TM9SF4: variants seen among roughly 807,000 people sequenced by gnomAD.
The protein encoded by TM9SF4 is transmembrane 9 superfamily member 4, also known as dinucleotide oxidase disulfide thiol exchanger 3 superfamily member 4.
In TM9SF4, 26 loss-of-function variants were observed where a neutral mutation model predicts 90.4. That is an observed-to-expected ratio of 0.29 (90% CI 0.21 to 0.40). The LOEUF is 0.40. Ranked by LOEUF, TM9SF4 falls within the 10% of genes least tolerant of loss-of-function variation. The probability of loss-of-function intolerance (pLI) is 1.00; values close to 1 mark genes in which losing one functional copy is unlikely to be tolerated. For synonymous variants in TM9SF4, 293 were observed against 315.4 expected, an observed-to-expected ratio of 0.93 and a Z score of 0.75; for missense variants, 549 against 834.8, an observed-to-expected ratio of 0.66 and a Z score of 4.22.
intron 1 of TM9SF4, among the ~76,000 whole-genome samples, chr20:32,113,530 A>G (rs2122300151): frequency 6.6e-6 from 1 of 152,250 alleles, no homozygotes; most frequent in South Asian, 2.1e-4. Context: ...ATTTCATTGA[A>G]ACTTGGGAAA....
chr20:32,145,362 T>G lies in TM9SF4; in HGVS notation c.822T>G (p.Ser274Arg). The G allele has an allele frequency of 6.2e-7, 1 of 1,614,094 alleles. No individual in the cohort carries two copies. The highest frequency in any genetic ancestry group is 8.5e-7 in the Non-Finnish European group (1 of 1,180,012). ...GCTGGGACACTTACCTGACCATGAGTGACGTCCAGATCCACTGGTTTTCTA... is the reference window on the plus strand; with the variant it reads ...GCTGGGACACTTACCTGACCATGAGGGACGTCCAGATCCACTGGTTTTCTA... The part of the protein sequence containing the change: ...ASRWDTYLTM[S>R]DVQIHWFSII... Residue 274 changes from serine to arginine, a missense_variant, in exon 8 of 18, where the codon AGT becomes AGG. Transcript: ENST00000398022.
chr20:32,126,068 AACACACACACACACACACAC>A (rs71185382), intron 1 of TM9SF4, among the ~76,000 whole-genome samples: 5 of 138,596 alleles, frequency 3.6e-5, no homozygotes, highest in Non-Finnish European at 6.1e-5. Flanking sequence ...CTTTCCCGTA[AACACACACACACACACACAC>A]ACACACACAC....
intron 3 of TM9SF4, among the ~76,000 whole-genome samples, chr20:32,141,090 A>G (rs149842708): frequency 0.11 from 16,795 of 151,434 alleles, 1,176 homozygotes; most frequent in East Asian, 0.17. Context: ...GGTGGCATGC[A>G]CCTGTAGTCC....
chr20:32,122,385 C>T (rs571899516), intron 1 of TM9SF4, among the ~76,000 whole-genome samples: 2 of 150,818 alleles, frequency 1.3e-5, no homozygotes, highest in Admixed American at 6.6e-5. Flanking sequence ...GGCTGCCGGG[C>T]GGAGAGGCTC....
At chr20:32,154,831 C>A (rs2046895012) in intron 12 of TM9SF4, among the ~76,000 whole-genome samples, 1 of 152,210 alleles carries the variant, frequency 6.6e-6, no homozygotes, top group African/African-American at 2.4e-5. Flanking sequence ...AGCTCACAGT[C>A]TTTTGGGGAT....
At chr20:32,137,063 C>T (rs1487754277) in intron 3 of TM9SF4, 1 of 455,860 alleles carries the variant, frequency 2.2e-6, no homozygotes, top group Non-Finnish European at 4.4e-6. Context: ...TTGGGTAGGA[C>T]CATCTCCCCC....
At chr20:32,128,991 C>T (rs1425042437) in intron 1 of TM9SF4, among the ~76,000 whole-genome samples, 11 of 151,862 alleles carry the variant, frequency 7.2e-5, no homozygotes, top group Admixed American at 6.6e-4. Context: ...TTTTCTTTTG[C>T]CTCATTTATT....
intron 17 of TM9SF4, 84 bp downstream of exon 17, chr20:32,161,449 C>T (rs1480201669): frequency 7.8e-6 from 10 of 1,290,268 alleles, no homozygotes; most frequent in Non-Finnish European, 1.1e-6. Flanking sequence ...AACCCAAGTG[C>T]CTGAATCTTC....
At chr20:32,138,422 A>G (rs1322161583) in intron 3 of TM9SF4, among the ~76,000 whole-genome samples, 1 of 152,232 alleles carries the variant, frequency 6.6e-6, no homozygotes, top group Non-Finnish European at 1.5e-5. Context: ...TGAGGTCAAG[A>G]GTTCAAGACC....
intron 13 of TM9SF4, among the ~76,000 whole-genome samples, chr20:32,157,287 C>A (rs912871645): frequency 6.6e-6 from 1 of 152,106 alleles, no homozygotes; most frequent in Non-Finnish European, 1.5e-5. Flanking sequence ...TTGATTAAAT[C>A]CACAGATGCA....
At position 32,141,773 on chromosome 20, in the gene TM9SF4, G is replaced by A; in HGVS notation, c.406G>A (p.Asp136Asn). The A allele has an allele frequency of 6.2e-7, 1 of 1,614,128 alleles. No homozygotes were observed. The highest frequency in any genetic ancestry group is 8.5e-7 in the Non-Finnish European group (1 of 1,180,016). ...TEDYYVHLIA[D>N]NLPVATRLEL... ...GGGGCCTTCACTTTCCAGCATTGCT[G>A]ACAACCTGCCTGTGGCCACCCGGCT... The change falls in exon 5 of 18, where the codon GAC becomes AAC. Residue 136 changes from aspartate (D) to asparagine (N), a missense_variant. Physicochemically the swap from Asp to Asn is conservative, Grantham distance 23 (BLOSUM62 1). Around this residue, in one of 2 missense-constraint regions of TM9SF4, gnomAD observed 495 missense variants for 711.7 expected, o/e 0.70. Coordinates refer to ENST00000398022, the MANE Select transcript of TM9SF4 (RefSeq NM_014742.4).
intron 12 of TM9SF4, 54 bp from the exon 13 acceptor site, chr20:32,155,049 C>G (rs1196084065): frequency 1.3e-6 from 2 of 1,485,610 alleles, no homozygotes; most frequent in African/African-American, 2.8e-5. Flanking sequence ...CCCACCGGGA[C>G]AGGTAGGGGA....
chr20:32,116,862 C>CTTTTTTTTTTTTTTTTT (rs201365030), intron 1 of TM9SF4, among the ~76,000 whole-genome samples: 46 of 95,854 alleles, frequency 4.8e-4, no homozygotes, highest in Non-Finnish European at 7.1e-4. Flanking sequence ...TTTCCTTTTT[C>CTTTTTTTTTTTTTTTTT]TTTTTTTTTT....
chr20:32,131,264 GA>G (rs1253281594), intron 1 of TM9SF4, among the ~76,000 whole-genome samples: 1 of 152,136 alleles, frequency 6.6e-6, no homozygotes, highest in African/African-American at 2.4e-5. Context: ...CAAATCGGAG[GA>G]AAAACTCCAT....
intron 3 of TM9SF4, among the ~76,000 whole-genome samples, chr20:32,138,086 G>A (rs1385076586): frequency 2.0e-5 from 3 of 152,198 alleles, no homozygotes; most frequent in African/African-American, 7.2e-5. Context: ...TGGCCAATAG[G>A]TGGAGAAATT....
intron 10 of TM9SF4, 56 bp from the exon 11 acceptor site, chr20:32,150,546 GCTGGGGCTGGGGCTAGAGGC>G: frequency 6.4e-7 from 1 of 1,573,738 alleles, no homozygotes; most frequent in Non-Finnish European, 8.7e-7. Flanking sequence ...TGGGCCTGGG[GCTGGGGCTGGGGCTAGAGGC>G]CTGGTGATCA....
intron 1 of TM9SF4, among the ~76,000 whole-genome samples, chr20:32,116,855 CCTTTTTCTTT>C (rs2046231362): frequency 8.3e-6 from 1 of 119,848 alleles, no homozygotes; most frequent in Non-Finnish European, 1.7e-5. Context: ...CCTCCTTTTT[CCTTTTTCTTT>C]TTTTTTTTTT....
intron 1 of TM9SF4, among the ~76,000 whole-genome samples, chr20:32,115,806 G>GTTTTTTTTTTTTTTTTTT (rs1243268586): frequency 9.4e-6 from 1 of 106,306 alleles, no homozygotes. Context: ...ACCACTTTAA[G>GTTTTTTTTTTTTTTTTTT]CTTTTTTTTT....
In TM9SF4 at chr20:32,145,143, C is replaced by G; in HGVS notation, c.705C>G (p.Ser235=). Residue 235 remains serine, a synonymous_variant, in exon 7 of 18, where the codon TCC becomes TCG. Transcript: ENST00000398022. ...GCACTCTGCCTGAGGGTACCAACTC[C>G]TCGCCCCAAGAAATTGACCCCACCA... The part of the protein sequence containing the change: ...SSCTLPEGTN[S]SPQEIDPTKE... 6.2e-7 allele frequency: 1 copy of G among 1,614,122 alleles called. No homozygotes were observed. Among genetic ancestry groups the G allele is most frequent in the South Asian group, 1.1e-5 (1 of 91,080 alleles).
Sources: gnomAD v4.1 joint callset for allele counts (sites outside exome capture counted in the v4.1 genomes callset) on GRCh38, gnomAD v4.1.1 for gene constraint, gnomAD v4.1.1 regional missense constraint, MANE v1.5 for transcripts, NCBI Gene and HGNC (gene_info 2026-07-23, HGNC 2026-07-21) for gene names.